The following GRIP1 variants were observed in gnomAD, a reference collection of about 807,000 sequenced individuals.
GRIP1 encodes the protein glutamate receptor interacting protein 1, also known as glutamate receptor-interacting protein 1.
In GRIP1, 45 loss-of-function variants were observed where a neutral mutation model predicts 129.9. The ratio of observed to expected loss-of-function variants is 0.35; its 90% CI spans 0.27 to 0.44. GRIP1 has a LOEUF of 0.44. GRIP1 is among the 20% of genes least tolerant of loss of function. GRIP1 has a pLI of 1.00. For synonymous variants in GRIP1, 530 were observed against 520.8 expected (o/e 1.02, Z -0.24); for missense variants, 1,196 against 1,396.8 (o/e 0.86, Z 2.29).
At position 66,456,380 on chromosome 12, in the gene GRIP1, A is replaced by G. The variant is rs367610628; in HGVS notation, c.1043-38T>C. 1,021 of 1,196,702 alleles carry G rather than the reference A, an allele frequency of 8.5e-4. 18 individuals carry two copies. The South Asian group carries it at 0.012, about 15-fold the overall frequency. 74.1% of individuals were successfully genotyped at this position (1,196,702 alleles called of 1,614,324 possible). On this transcript the variant is annotated intron_variant, in intron 9 of 24. Coordinates refer to ENST00000359742, the MANE Select transcript of GRIP1 (RefSeq NM_001366722.1). ...AGTGATGATGAAAAATAAGAAAAAC[A>G]AACGAACAAACAAAGAACCAAAAAA...
intron 7 of GRIP1, among the ~76,000 whole-genome samples, chr12:66,474,280 G>C (rs1337059700): frequency 6.6e-6 from 1 of 151,734 alleles, no homozygotes; most frequent in Non-Finnish European, 1.5e-5. Context: ...AAGATTAGAG[G>C]AAAAATAATA....
chr12:66,604,305 G>A (rs552098415), intron 1 of GRIP1, among the ~76,000 whole-genome samples: 3 of 152,170 alleles, frequency 2.0e-5, no homozygotes, highest in Non-Finnish European at 4.4e-5. Flanking sequence ...TGAAATTAAT[G>A]AGCATGAAAT....
At chr12:66,402,521 A>G (rs1179390563) in intron 16 of GRIP1, among the ~76,000 whole-genome samples, 1 of 152,220 alleles carries the variant, frequency 6.6e-6, no homozygotes, top group Non-Finnish European at 1.5e-5. Context: ...TTGAAGTAGT[A>G]TCTGTTAAAC....
intron 1 of GRIP1, among the ~76,000 whole-genome samples, chr12:66,901,010 G>T (rs1252313529): frequency 6.6e-6 from 1 of 152,208 alleles, no homozygotes; most frequent in Non-Finnish European, 1.5e-5. Context: ...TCCCATGGGA[G>T]TAGAGATACA....
chr12:66,472,407 A>C (rs1184431362), intron 7 of GRIP1, among the ~76,000 whole-genome samples: 1 of 152,108 alleles, frequency 6.6e-6, no homozygotes, highest in Middle Eastern at 3.2e-3. Context: ...ATTGAATCTC[A>C]TGAAGTTTCT....
chr12:66,656,048 G>C (rs1181389584), intron 1 of GRIP1, among the ~76,000 whole-genome samples: 3 of 152,114 alleles, frequency 2.0e-5, no homozygotes, highest in African/African-American at 7.2e-5. Flanking sequence ...AATATATAGG[G>C]AATAATTGAA....
At chr12:66,482,327 C>T (rs1464364484) in intron 7 of GRIP1, among the ~76,000 whole-genome samples, 3 of 152,064 alleles carry the variant, frequency 2.0e-5, no homozygotes, top group Non-Finnish European at 4.4e-5. Context: ...GCTGACATGG[C>T]TGGGATGAGC....
intron 16 of GRIP1, among the ~76,000 whole-genome samples, chr12:66,401,480 G>A (rs1478282527): frequency 2.0e-5 from 3 of 151,850 alleles, no homozygotes; most frequent in East Asian, 1.9e-4. Flanking sequence ...TTGGGAGGCT[G>A]AGGCAGGAGA....
At chr12:66,921,687 C>A (rs2041215854) in intron 1 of GRIP1, among the ~76,000 whole-genome samples, 1 of 152,228 alleles carries the variant, frequency 6.6e-6, no homozygotes, top group Non-Finnish European at 1.5e-5. Context: ...GGACTGAACA[C>A]ACAAATCAGG....
intron 19 of GRIP1, 114 bp from the exon 20 acceptor site, chr12:66,379,550 G>T: frequency 9.9e-7 from 1 of 1,011,138 alleles, no homozygotes; most frequent in Non-Finnish European, 1.6e-6. Context: ...AATAACAATA[G>T]TGAACACATA....
chr12:67,062,187 C>T (rs2043547789), intron 1 of GRIP1, among the ~76,000 whole-genome samples: 1 of 152,236 alleles, frequency 6.6e-6, no homozygotes, highest in Admixed American at 6.5e-5. Flanking sequence ...TCTTTATCGC[C>T]TGCCAGATGC....
chr12:66,888,774 T>C (rs1161122944), intron 1 of GRIP1, among the ~76,000 whole-genome samples: 1 of 152,196 alleles, frequency 6.6e-6, no homozygotes, highest in African/African-American at 2.4e-5. Context: ...AGCTAAAATA[T>C]TGTGAGTTTA....
At chr12:66,595,487 A>C (rs546185683) in intron 2 of GRIP1, among the ~76,000 whole-genome samples, 90 of 152,340 alleles carry the variant, frequency 5.9e-4, no homozygotes, top group African/African-American at 2.1e-3. Context: ...GCAGTGGAAT[A>C]CTCAGTACCA....
At chr12:66,493,542 A>G (rs1320729939) in intron 7 of GRIP1, among the ~76,000 whole-genome samples, 2 of 152,206 alleles carry the variant, frequency 1.3e-5, no homozygotes, top group Non-Finnish European at 2.9e-5. Context: ...CCACTGGAAC[A>G]TATACTACCA....
chr12:66,832,349 T>TA lies in GRIP1; in HGVS notation c.59-235423dup, dbSNP rs148695089. ...CTTCAGGTTGGAGGTCAGAAAGACATAAAATGCTATCTACGACCCTCCTAT... is the reference window on the plus strand; with the variant it reads ...CTTCAGGTTGGAGGTCAGAAAGACATAAAAATGCTATCTACGACCCTCCTAT... On this transcript the variant is annotated intron_variant, in intron 1 of 1. Transcript: ENST00000643019. Among the ~76,000 whole-genome samples the TA allele has an allele frequency of 7.8e-3, 1,182 of 152,284 alleles. 19 individuals are homozygous for TA. The highest frequency in any genetic ancestry group is 0.027 in the African/African-American group (1,138 of 41,566).
Position 66,817,202 on chromosome 12 carries a change from GCACACACACACACACA to G in GRIP1, c.59-220291_59-220276del, listed in dbSNP as rs57507955. Among the ~76,000 whole-genome samples the G allele has an allele frequency of 1.8e-4, 25 of 136,224 alleles. No individual in the cohort carries two copies. The East Asian group carries it at 1.9e-3, about 10-fold the overall frequency. The allele number at this position is 136,224 out of a possible 152,430, so 89.4% of individuals were successfully genotyped here. A position where few individuals can be genotyped will look rare whatever the true frequency, so the allele number is the denominator to read the frequency against. ...TATATATATACATAATTTTCAGTAT[GCACACACACACACACA>G]CACACACACACACACACACACACAC... On this transcript the variant is annotated intron_variant, in intron 1 of 1. Transcript: ENST00000643019.
At chr12:66,799,484 A>G (rs956982060) in intron 1 of GRIP1, among the ~76,000 whole-genome samples, 1 of 152,166 alleles carries the variant, frequency 6.6e-6, no homozygotes, top group East Asian at 1.9e-4. Context: ...TAACATAGAA[A>G]TAAATGGCTT....
At chr12:66,852,717 T>C (rs77660683) in intron 1 of GRIP1, among the ~76,000 whole-genome samples, 2 of 151,996 alleles carry the variant, frequency 1.3e-5, no homozygotes, top group Middle Eastern at 3.4e-3. Context: ...GCCAATTAAA[T>C]AGAGATGTCA....
At chr12:66,915,153 A>G (rs1464573344) in intron 1 of GRIP1, among the ~76,000 whole-genome samples, 4 of 152,220 alleles carry the variant, frequency 2.6e-5, no homozygotes, top group African/African-American at 4.8e-5. Context: ...AAAACTTGGG[A>G]GACTGGAATC....
Sources: gnomAD v4.1 joint callset for allele counts (sites outside exome capture counted in the v4.1 genomes callset) on GRCh38, gnomAD v4.1.1 for gene constraint, MANE v1.5 for transcripts, NCBI Gene and HGNC (gene_info 2026-07-23, HGNC 2026-07-21) for gene names.